The following SLC35F3 variants were observed in gnomAD, a reference collection of about 807,000 sequenced individuals.
The protein encoded by SLC35F3 is solute carrier family 35 member F3.
In SLC35F3, 25 loss-of-function variants were observed where a neutral mutation model predicts 49.9. That is an observed-to-expected ratio of 0.50 (90% CI 0.37 to 0.70). The LOEUF (loss-of-function observed/expected upper bound fraction) is 0.70. SLC35F3 is among the 30% of genes least tolerant of loss of function. The pLI is 0.00. For missense variants in SLC35F3, 525 were observed against 639.8 expected (o/e 0.82, Z 1.94); for synonymous variants, 275 against 265.4 (o/e 1.04, Z -0.35).
At chr1:233,941,207 C>T (rs1428589303) in intron 2 of SLC35F3, among the ~76,000 whole-genome samples, 1 of 152,184 alleles carries the variant, frequency 6.6e-6, no homozygotes, top group Non-Finnish European at 1.5e-5. Flanking sequence ...ATTTCCACTT[C>T]TCAGTCATTC....
At chr1:234,154,004 G>T (rs919719482) in intron 2 of SLC35F3, among the ~76,000 whole-genome samples, 9 of 151,520 alleles carry the variant, frequency 5.9e-5, no homozygotes, top group Non-Finnish European at 1.3e-4. Context: ...GGAGCTTGCA[G>T]TGAGCCGAGA....
At chr1:234,253,840 T>G (rs1037387222) in intron 3 of SLC35F3, among the ~76,000 whole-genome samples, 9 of 152,196 alleles carry the variant, frequency 5.9e-5, no homozygotes, top group Non-Finnish European at 1.0e-4. Flanking sequence ...AAGGACATTT[T>G]TTTTCAGTCA....
At chr1:234,301,943 A>G (rs1477594043) in intron 3 of SLC35F3, among the ~76,000 whole-genome samples, 1 of 152,226 alleles carries the variant, frequency 6.6e-6, no homozygotes, top group East Asian at 1.9e-4. Context: ...ACAGGAACAG[A>G]AAACCAAACA....
At chr1:234,184,975 A>G (rs10910374) in intron 2 of SLC35F3, among the ~76,000 whole-genome samples, 145,663 of 152,294 alleles carry the variant, frequency 0.96, 70,028 homozygotes, top group East Asian at 1. Flanking sequence ...CACACACTGC[A>G]TCTGAGAAGC....
At chr1:233,908,451 C>T (rs1661811088) in intron 2 of SLC35F3, among the ~76,000 whole-genome samples, 1 of 150,516 alleles carries the variant, frequency 6.6e-6, no homozygotes, top group South Asian at 2.1e-4. Context: ...GTGAACAGTA[C>T]AGAAATTACC....
Position 233,987,877 on chromosome 1 carries a change from T to G in SLC35F3, c.283+82119T>G, listed in dbSNP as rs377078463. Among the ~76,000 whole-genome samples, 21 of 152,304 alleles carry G rather than the reference T, an allele frequency of 1.4e-4. No individual in the cohort carries two copies. The East Asian group carries it at 3.9e-3, about 28-fold the overall frequency. On this transcript the variant is annotated intron_variant, in intron 2 of 7. Coordinates refer to ENST00000366618, the MANE Select transcript of SLC35F3 (RefSeq NM_173508.4). The stretch of plus-strand genomic sequence containing the variant: ...TCAACCCTTCTATTTATTTCTTCCC[T>G]CCTGATACCATATTTTAATTTTAAT...
chr1:233,961,713 C>A (rs761348855), intron 2 of SLC35F3, among the ~76,000 whole-genome samples: 1 of 152,164 alleles, frequency 6.6e-6, no homozygotes, highest in Non-Finnish European at 1.5e-5. Flanking sequence ...GCTTTGGCCT[C>A]CCAAAGTGCT....
chr1:234,251,480 AAC>A lies in SLC35F3; in HGVS notation c.608+19752_608+19753del, dbSNP rs1215416650. ...AAACTAAACCAAAAAAAAAAAAAAA[AAC>A]ACACACACACACTTTTAAATCCCTG... is the stretch of plus-strand genomic sequence containing the variant. On this transcript the variant is annotated intron_variant, in intron 3 of 7. Transcript: ENST00000366618. Among the ~76,000 whole-genome samples, 172 of 148,734 alleles carry A rather than the reference AAC, an allele frequency of 1.2e-3. 9 individuals are homozygous for A. Among genetic ancestry groups the A allele is most frequent in the East Asian group, 0.011 (52 of 4,942 alleles).
rs149591968 is a variant in SLC35F3 at position 234,034,681 on chromosome 1, C to T, written c.283+128923C>T. Among the ~76,000 whole-genome samples the T allele has an allele frequency of 8.5e-3, 1,295 of 152,084 alleles. 14 individuals carry two copies. The highest frequency in any genetic ancestry group is 0.029 in the African/African-American group (1,212 of 41,482). On this transcript the variant is annotated intron_variant, in intron 2 of 7. Coordinates refer to ENST00000366618, the MANE Select transcript of SLC35F3 (RefSeq NM_173508.4). ...GATTATAGGCACGTGCCACCACACC[C>T]GGCTAATTTTTTTGTATTTTTGGTA...
intron 2 of SLC35F3, among the ~76,000 whole-genome samples, chr1:233,972,260 C>A (rs149873719): frequency 6.6e-6 from 1 of 152,138 alleles, no homozygotes; most frequent in South Asian, 2.1e-4. Context: ...TGAATTGTGA[C>A]GTCTAGGTCA....
At chr1:233,939,802 A>T (rs1352559589) in intron 2 of SLC35F3, among the ~76,000 whole-genome samples, 1 of 152,186 alleles carries the variant, frequency 6.6e-6, no homozygotes, top group African/African-American at 2.4e-5. Context: ...CTTTCCTGGG[A>T]CTGAACATGT....
chr1:233,925,003 T>A (rs1662132694), intron 2 of SLC35F3, among the ~76,000 whole-genome samples: 1 of 152,208 alleles, frequency 6.6e-6, no homozygotes, highest in East Asian at 1.9e-4. Flanking sequence ...AGAGACAGTT[T>A]GTTATAATTT....
chr1:234,051,258 T>C (rs1664372229), intron 2 of SLC35F3, among the ~76,000 whole-genome samples: 1 of 152,240 alleles, frequency 6.6e-6, no homozygotes, highest in Non-Finnish European at 1.5e-5. Flanking sequence ...ATATTGATTC[T>C]TCCTATCCAT....
chr1:234,258,544 C>G (rs374699273), intron 3 of SLC35F3, among the ~76,000 whole-genome samples: 1 of 152,184 alleles, frequency 6.6e-6, no homozygotes, highest in Admixed American at 6.5e-5. Flanking sequence ...AATCTTGTGA[C>G]CTTTCATTAG....
intron 2 of SLC35F3, among the ~76,000 whole-genome samples, chr1:234,097,403 C>T (rs1023284554): frequency 1.3e-5 from 2 of 152,130 alleles, no homozygotes; most frequent in African/African-American, 2.4e-5. Context: ...TACAGCATGA[C>T]CTCATTTCAT....
At chr1:234,240,050 T>C (rs542263462) in intron 3 of SLC35F3, among the ~76,000 whole-genome samples, 12 of 152,356 alleles carry the variant, frequency 7.9e-5, no homozygotes, top group Middle Eastern at 3.4e-3. Context: ...CCATCTTTGA[T>C]TGACTCCTAA....
At chr1:234,173,624 A>G (rs1431404500) in intron 2 of SLC35F3, among the ~76,000 whole-genome samples, 1 of 152,232 alleles carries the variant, frequency 6.6e-6, no homozygotes, top group Non-Finnish European at 1.5e-5. Flanking sequence ...CAGGCAGCAC[A>G]GAAGATTCAT....
At chr1:234,168,838 C>T (rs1011297402) in intron 2 of SLC35F3, among the ~76,000 whole-genome samples, 1 of 152,232 alleles carries the variant, frequency 6.6e-6, no homozygotes, top group Admixed American at 6.5e-5. Flanking sequence ...GAAACGACCC[C>T]AGCCCTGCCT....
At chr1:234,186,127 G>A (rs1666640222) in intron 2 of SLC35F3, among the ~76,000 whole-genome samples, 1 of 152,202 alleles carries the variant, frequency 6.6e-6, no homozygotes, top group Non-Finnish European at 1.5e-5. Context: ...CTTACCTACA[G>A]GTGTTTGGAG....
Sources: gnomAD v4.1 joint callset for allele counts (sites outside exome capture counted in the v4.1 genomes callset) on GRCh38, gnomAD v4.1.1 for gene constraint, MANE v1.5 for transcripts, NCBI Gene and HGNC (gene_info 2026-07-23, HGNC 2026-07-21) for gene names.